The following RYR2 variants were observed in gnomAD, a reference collection of about 807,000 sequenced individuals.
The protein encoded by RYR2 is ryanodine receptor 2, also known as cardiac muscle ryanodine receptor-calcium release channel.
In RYR2, 227 loss-of-function variants were observed where a neutral mutation model predicts 601.1. The ratio of observed to expected loss-of-function variants is 0.38; its 90% confidence interval spans 0.34 to 0.42. RYR2 has a LOEUF of 0.42. Ranked by LOEUF, RYR2 falls within the 10% of genes least tolerant of loss-of-function variation. RYR2 has a pLI of 1.00. For synonymous variants in RYR2, 2,223 were observed against 2,175.1 expected (o/e 1.02, Z -0.61); for missense variants, 4,646 against 6,156.5 (o/e 0.75, Z 8.21).
chr1:237,641,284 C>T (rs1573286503), intron 47 of RYR2, among the ~76,000 whole-genome samples: 4 of 152,242 alleles, frequency 2.6e-5, no homozygotes, highest in South Asian at 4.1e-4. Flanking sequence ...AAGAAAAGAA[C>T]ATATTTTCTC....
intron 1 of RYR2, among the ~76,000 whole-genome samples, chr1:237,182,067 T>G (rs1483302452): frequency 6.6e-6 from 1 of 152,150 alleles, no homozygotes; most frequent in African/African-American, 2.4e-5. Flanking sequence ...ATGTATGTTA[T>G]GCATATGTAG....
At chr1:237,720,326 CA>C (rs1689614686) in intron 73 of RYR2, among the ~76,000 whole-genome samples, 1 of 152,088 alleles carries the variant, frequency 6.6e-6, no homozygotes, top group Non-Finnish European at 1.5e-5. Context: ...AGATCCAAAT[CA>C]TATGATTTTT....
rs555641416 is a variant in RYR2, at chr1:237,832,716, C to G, written c.*69C>G. ...CTCTCCCTCTCTCAATTTCTCTGCT[C>G]TCTTGGAAACATTTTGCTGATTTTG... On this transcript the variant is annotated 3_prime_UTR_variant, in exon 105 of 105. Coordinates refer to ENST00000366574, the MANE Select transcript of RYR2 (RefSeq NM_001035.3). The G allele has an allele frequency of 8.1e-6, 7 of 860,754 alleles. No homozygotes were observed. The highest frequency in any genetic ancestry group is 7.0e-5 in the Admixed American group (3 of 42,580). The allele number at this position is 860,754 out of a possible 1,614,324, so 53.3% of individuals were successfully genotyped here.
chr1:237,828,460 T>C lies in RYR2; in HGVS notation c.14655+15T>C, dbSNP rs1443271221. 1.3e-6 allele frequency: 2 copies of C among 1,535,028 alleles called. No homozygotes were observed. Among genetic ancestry groups the C allele is most frequent in the Admixed American group, 3.9e-5 (2 of 51,638 alleles). On this transcript the variant is annotated intron_variant, in intron 102 of 104. Transcript: ENST00000366574. ...AAGACATGGAGGTAAGCTTCTCCATTCATGACTCAGCTTCTTTGTTGTCCT... is the reference window on the plus strand; with the variant it reads ...AAGACATGGAGGTAAGCTTCTCCATCCATGACTCAGCTTCTTTGTTGTCCT...
intron 62 of RYR2, among the ~76,000 whole-genome samples, chr1:237,682,158 T>G (rs565360710): frequency 6.6e-6 from 1 of 152,306 alleles, no homozygotes; most frequent in Admixed American, 6.5e-5. Context: ...TCCAATTGTG[T>G]GTTTTGGGTA....
At chr1:237,577,272 A>G (rs1264510649) in intron 29 of RYR2, among the ~76,000 whole-genome samples, 3 of 152,222 alleles carry the variant, frequency 2.0e-5, no homozygotes, top group African/African-American at 7.2e-5. Context: ...TTTAAGGGAA[A>G]GAAGTCCCAA....
At chr1:237,432,784 T>C (rs557961772) in intron 12 of RYR2, among the ~76,000 whole-genome samples, 1 of 152,172 alleles carries the variant, frequency 6.6e-6, no homozygotes, top group African/African-American at 2.4e-5. Context: ...TTTTCTGTCA[T>C]CACTATCATT....
intron 1 of RYR2, among the ~76,000 whole-genome samples, chr1:237,151,248 T>G (rs1045789312): frequency 6.6e-5 from 10 of 152,190 alleles, no homozygotes; most frequent in Non-Finnish European, 1.5e-4. Context: ...AAAATTATGC[T>G]TCTCCCGAAG....
At chr1:237,684,093 A>G (rs1286654547) in intron 62 of RYR2, among the ~76,000 whole-genome samples, 2 of 149,724 alleles carry the variant, frequency 1.3e-5, no homozygotes, top group East Asian at 2.0e-4. Flanking sequence ...ATGCCCGGCT[A>G]ATTTTTTTTT....
chr1:237,245,755 C>T (rs1686749459), intron 1 of RYR2, among the ~76,000 whole-genome samples: 1 of 152,090 alleles, frequency 6.6e-6, no homozygotes, highest in African/African-American at 2.4e-5. Flanking sequence ...TCTGAAGTCA[C>T]TTTATGCCTG....
chr1:237,208,985 T>C (rs1276706963), intron 1 of RYR2, among the ~76,000 whole-genome samples: 1 of 119,072 alleles, frequency 8.4e-6, no homozygotes, highest in Non-Finnish European at 1.7e-5. Context: ...TATATATATA[T>C]GTATACTGTA....
chr1:237,613,918 C>T, intron 36 of RYR2, 121 bp from the exon 37 acceptor site: 1 of 827,116 alleles, frequency 1.2e-6, no homozygotes, highest in Admixed American at 2.8e-5. Context: ...GTTCAACCTG[C>T]AGTGTCTATT....
chr1:237,651,263 T>G (rs1358157498), intron 50 of RYR2, 148 bp from the exon 51 acceptor site: 3 of 632,158 alleles, frequency 4.7e-6, no homozygotes, highest in East Asian at 2.9e-5. Flanking sequence ...AACTAAGTGG[T>G]TAATCTTTGG....
chr1:237,787,075 A>T lies in RYR2; in HGVS notation c.13329-913A>T, dbSNP rs917464680. Among the ~76,000 whole-genome samples the T allele has an allele frequency of 3.9e-5, 6 of 152,254 alleles. No individual in the cohort carries two copies. In the East Asian group the frequency reaches 1.2e-3, roughly 29 times the overall value. ...CATATGACTTCACTTTAATTTAATG[A>T]AGGACTGATATTTTGCACCTAAAGG... On this transcript the variant is annotated intron_variant, in intron 91 of 104. Transcript: ENST00000366574.
intron 10 of RYR2, among the ~76,000 whole-genome samples, chr1:237,403,062 AG>A (rs1394333877): frequency 1.3e-5 from 2 of 152,212 alleles, no homozygotes; most frequent in Non-Finnish European, 2.9e-5. Context: ...CCAAGGAGAG[AG>A]GAAAGATGGA....
intron 56 of RYR2, 53 bp from the exon 57 acceptor site, chr1:237,666,459 C>A: frequency 1.4e-6 from 2 of 1,469,036 alleles, no homozygotes; most frequent in Non-Finnish European, 1.9e-6. Flanking sequence ...TAAGTTAAGT[C>A]TCTCTTCACA....
Position 237,660,038 on chromosome 1 carries a change from G to C in RYR2, c.8262G>C (p.Gln2754His), listed in dbSNP as rs773748242. The C allele has an allele frequency of 3.2e-5, 51 of 1,585,658 alleles. No individual in the cohort carries two copies. The highest frequency in any genetic ancestry group is 4.4e-5 in the Non-Finnish European group (51 of 1,168,750). Residue 2754 changes from glutamine to histidine, a missense_variant, in exon 55 of 105, where the codon CAG (glutamine) becomes CAC (histidine). This residue lies in a region of RYR2 where 1,497 missense variants were observed against 1,842.6 expected (regional missense o/e 0.81). Coordinates refer to ENST00000366574, the MANE Select transcript of RYR2 (RefSeq NM_001035.3). ...TATATTCAGACTCTTCTAAGGTTCA[G>C]CCATTAATGAAGCCATATAAGCTAT... ...GEIYSDSSKV[Q>H]PLMKPYKLLS... is the part of the protein sequence containing the mutation.
intron 1 of RYR2, among the ~76,000 whole-genome samples, chr1:237,199,604 C>G (rs1680955766): frequency 6.6e-6 from 1 of 152,188 alleles, no homozygotes; most frequent in African/African-American, 2.4e-5. Context: ...TCCACTGACT[C>G]AGTGTTAATC....
At chr1:237,243,038 GCAGGCAGGTTTTCCC>G (rs1211817377) in intron 1 of RYR2, among the ~76,000 whole-genome samples, 1 of 152,022 alleles carries the variant, frequency 6.6e-6, no homozygotes, top group African/African-American at 2.4e-5. Flanking sequence ...GGCTTCGTAT[GCAGGCAGGTTTTCCC>G]CAGGTGTTTC....
Sources: allele counts gnomAD v4.1 joint callset (sites outside exome capture counted in the v4.1 genomes callset), GRCh38; gene constraint gnomAD v4.1.1; regional missense constraint gnomAD v4.1.1; transcripts MANE v1.5; gene names NCBI Gene and HGNC (gene_info 2026-07-23, HGNC 2026-07-21).